The following CIMIP2C variants were observed in gnomAD, a reference collection of about 807,000 sequenced individuals.
CIMIP2C encodes UPF0573 protein C2orf70.
At chr2:26,578,837 G>A in the CIMIP2C span, 1 of 471,476 alleles carries the variant, frequency 2.1e-6, no homozygotes, top group African/African-American at 2.0e-5. Flanking sequence ...GGCCAACCAG[G>A]TGGTTGGGAG....
At chr2:26,573,292 A>C in the CIMIP2C span, among the ~76,000 whole-genome samples, 1 of 151,684 alleles carries the variant, frequency 6.6e-6, no homozygotes. Context: ...GCCATCTTTA[A>C]TGTCTCCTCT....
chr2:26,564,159 T>C, the CIMIP2C span, among the ~76,000 whole-genome samples: 2 of 152,234 alleles, frequency 1.3e-5, no homozygotes, highest in Admixed American at 6.5e-5. Context: ...CCTTGGATTG[T>C]GGTGCTGACA....
At chr2:26,577,589 C>G in the CIMIP2C span, 2 of 1,614,070 alleles carry the variant, frequency 1.2e-6, no homozygotes, top group Non-Finnish European at 1.7e-6. Context: ...TTTGCGATGC[C>G]CGTGAGGGAG....
chr2:26,574,897 C>T, the CIMIP2C span, among the ~76,000 whole-genome samples: 1 of 152,176 alleles, frequency 6.6e-6, no homozygotes, highest in Non-Finnish European at 1.5e-5. Context: ...TTTCAAGGGC[C>T]TCATGGAGCA....
chr2:26,571,333 G>C, the CIMIP2C span, among the ~76,000 whole-genome samples: 1 of 152,174 alleles, frequency 6.6e-6, no homozygotes, highest in Non-Finnish European at 1.5e-5. Context: ...ACTTGTCATG[G>C]AGCTCCTCCA....
the CIMIP2C span, chr2:26,578,817 G>C: frequency 2.1e-6 from 1 of 471,254 alleles, no homozygotes; most frequent in African/African-American, 2.0e-5. Flanking sequence ...GTTTCACAAC[G>C]AACGCAAAGG....
chr2:26,578,689 T>A, the CIMIP2C span: 10 of 454,260 alleles, frequency 2.2e-5, no homozygotes, highest in South Asian at 1.6e-4. Context: ...GGGACAGGTA[T>A]CCTCTTGAGA....
At chr2:26,565,887 C>G in the CIMIP2C span, among the ~76,000 whole-genome samples, 2 of 152,252 alleles carry the variant, frequency 1.3e-5, no homozygotes, top group African/African-American at 4.8e-5. Flanking sequence ...CCATTTGGTT[C>G]CATGCTGTTC....
At chr2:26,562,906 G>A in the CIMIP2C span, 2 of 565,712 alleles carry the variant, frequency 3.5e-6, no homozygotes, top group Non-Finnish European at 6.3e-6. Context: ...TCACAGGAAG[G>A]CGCTCCCTGG....
At chr2:26,567,694 T>C in the CIMIP2C span, among the ~76,000 whole-genome samples, 1 of 152,284 alleles carries the variant, frequency 6.6e-6, no homozygotes, top group African/African-American at 2.4e-5. Context: ...TCTTGGGGTA[T>C]GAAACAAAGG....
At chr2:26,569,970 C>T in the CIMIP2C span, among the ~76,000 whole-genome samples, 1 of 152,296 alleles carries the variant, frequency 6.6e-6, no homozygotes, top group East Asian at 1.9e-4. Flanking sequence ...AACACAAATG[C>T]AGGTGCATAT....
the CIMIP2C span, among the ~76,000 whole-genome samples, chr2:26,575,274 C>T: frequency 6.6e-6 from 1 of 152,200 alleles, no homozygotes; most frequent in Non-Finnish European, 1.5e-5. Context: ...CGTCCTGAAC[C>T]TACGCCTTGC....
the CIMIP2C span, among the ~76,000 whole-genome samples, chr2:26,574,459 G>A: frequency 6.6e-6 from 1 of 151,986 alleles, no homozygotes; most frequent in Admixed American, 6.5e-5. Flanking sequence ...AATTTTCACA[G>A]AGATGGGACC....
the CIMIP2C span, among the ~76,000 whole-genome samples, chr2:26,574,579 C>T: frequency 6.6e-6 from 1 of 152,194 alleles, no homozygotes; most frequent in South Asian, 2.1e-4. Flanking sequence ...AACTCCCAGG[C>T]GGGAGCTGTG....
At chr2:26,576,123 C>T in the CIMIP2C span, 2 of 1,614,162 alleles carry the variant, frequency 1.2e-6, no homozygotes, top group African/African-American at 1.3e-5. Flanking sequence ...CCCAGCTACA[C>T]TCGCTTCAAC....
the CIMIP2C span, chr2:26,577,616 T>A: frequency 6.2e-7 from 1 of 1,613,088 alleles, no homozygotes; most frequent in Admixed American, 1.7e-5. Context: ...CGGTACCCCC[T>A]CCCCACCGTC....
chr2:26,565,003 C>T, the CIMIP2C span, among the ~76,000 whole-genome samples: 1 of 152,074 alleles, frequency 6.6e-6, no homozygotes, highest in Non-Finnish European at 1.5e-5. Context: ...TGTGCTGGGC[C>T]CTTCACAACA....
At chr2:26,562,977 G>A in the CIMIP2C span, 3 of 457,286 alleles carry the variant, frequency 6.6e-6, no homozygotes, top group East Asian at 8.1e-5. Context: ...GGGGAAGGGG[G>A]AGGAGATGGA....
chr2:26,575,110 C>T, the CIMIP2C span, among the ~76,000 whole-genome samples: 20 of 152,198 alleles, frequency 1.3e-4, no homozygotes, highest in Admixed American at 4.6e-4. Flanking sequence ...CCAAGGCCTC[C>T]GCTCGCCCAT....
Sources: gnomAD v4.1 joint callset for allele counts (sites outside exome capture counted in the v4.1 genomes callset) on GRCh38, gnomAD v4.1.1 for gene constraint, MANE v1.5 for transcripts, NCBI Gene and HGNC (gene_info 2026-07-23, HGNC 2026-07-21) for gene names.